Variants in GATA6 observed in about 807,000 individuals in gnomAD.
GATA6 encodes the protein transcription factor GATA-6.
A neutral mutation model predicts 48.1 loss-of-function variants in GATA6; 11 were observed. The observed-to-expected ratio is 0.23, with a 90% confidence interval of 0.14 to 0.38. GATA6 has a LOEUF of 0.38. GATA6 is among the 10% of genes least tolerant of loss of function. The probability of loss-of-function intolerance (pLI) is 1.00; values close to 1 mark genes in which losing one functional copy is unlikely to be tolerated. For missense variants in GATA6, 795 were observed against 850.3 expected, an observed-to-expected ratio of 0.93 and a Z score of 0.81; for synonymous variants, 419 against 396.1, an observed-to-expected ratio of 1.06 and a Z score of -0.69.
chr18:22,177,269 C>T, intron 3 of GATA6, 148 bp downstream of exon 3: 1 of 686,956 alleles, frequency 1.5e-6, no homozygotes. Flanking sequence ...GGGGACCCAG[C>T]GGTACCATCC....
chr18:22,183,942 A>G (rs2033229787), intron 6 of GATA6, among the ~76,000 whole-genome samples: 1 of 152,200 alleles, frequency 6.6e-6, no homozygotes, highest in Admixed American at 6.5e-5. Context: ...TTAAATGCCT[A>G]TTTACTTAGT....
In GATA6 at chr18:22,170,936, G is replaced by A. The variant is rs568136255; in HGVS notation, c.-37-172G>A. 152 of 605,400 alleles carry A rather than the reference G, an allele frequency of 2.5e-4. No individual in the cohort carries two copies. The African/African-American group carries it at 2.6e-3, about 10-fold the overall frequency. 37.5% of individuals were successfully genotyped at this position (605,400 alleles called of 1,614,324 possible). A position where few individuals can be genotyped will look rare whatever the true frequency, so the allele number is the denominator to read the frequency against. On this transcript the variant is annotated intron_variant, in intron 1 of 6. Transcript: ENST00000269216. The surrounding 1 kb of genome is among the most constrained non-coding windows in gnomAD (Gnocchi z 6.7). ...GCAGGCTCCCTTCCCCTCCCTTATT[G>A]ATCTCCACGCCCGGGGCAGAAATAG...
chr18:22,182,920 G>A lies in GATA6; in HGVS notation c.1517-20G>A, dbSNP rs1305562880. 5 of 1,607,414 alleles carry A rather than the reference G, an allele frequency of 3.1e-6. No individual in the cohort carries two copies. The South Asian group carries it at 4.4e-5, about 14-fold the overall frequency. ...AGTAGAGCATATGTATATTTATAAGGTTTATTTTGACTGTTGCAGGTAATA... is the reference window on the plus strand; with the variant it reads ...AGTAGAGCATATGTATATTTATAAGATTTATTTTGACTGTTGCAGGTAATA... On this transcript the variant is annotated intron_variant, in intron 5 of 6. Coordinates refer to ENST00000269216, the MANE Select transcript of GATA6 (RefSeq NM_005257.6).
chr18:22,190,652 A>T (rs1271756080), intron 6 of GATA6, among the ~76,000 whole-genome samples: 1 of 152,018 alleles, frequency 6.6e-6, no homozygotes, highest in Non-Finnish European at 1.5e-5. Flanking sequence ...ATCCGGAGTG[A>T]CTCCTTAAGG....
At position 22,171,482 on chromosome 18, in the gene GATA6, T is replaced by C; in HGVS notation, c.338T>C (p.Leu113Pro). Reference protein sequence around the residue: ...GGNLSSWEDLLLFTDLDQAAT... With the variant: ...GGNLSSWEDLPLFTDLDQAAT... ...AACCTGTCGAGCTGGGAGGACTTGCTGCTGTTCACTGACCTCGACCAAGCC... is the reference window on the plus strand; with the variant it reads ...AACCTGTCGAGCTGGGAGGACTTGCCGCTGTTCACTGACCTCGACCAAGCC... Residue 113 changes from leucine to proline, a missense_variant, in exon 2 of 7, where the codon CTG becomes CCG. Physicochemically the swap from Leu to Pro is moderately conservative, Grantham distance 98. Coordinates refer to ENST00000269216, the MANE Select transcript of GATA6 (RefSeq NM_005257.6). The surrounding 1 kb of genome is among the most constrained non-coding windows in gnomAD (Gnocchi z 7.1). The C allele has an allele frequency of 6.2e-7, 1 of 1,601,364 alleles. No homozygotes were observed. The highest frequency in any genetic ancestry group is 8.5e-7 in the Non-Finnish European group (1 of 1,179,538).
At chr18:22,174,959 T>C (rs2033102469) in intron 2 of GATA6, among the ~76,000 whole-genome samples, 1 of 152,040 alleles carries the variant, frequency 6.6e-6, no homozygotes, top group Admixed American at 6.6e-5. Context: ...CCTGCAGAAC[T>C]GTGAGTCCCT....
At position 22,170,251 on chromosome 18, in the gene GATA6, G is replaced by A. The variant is rs1469172584; in HGVS notation, c.-38+569G>A. ...GCTCCACCCCGCTACGTCCGATTCC[G>A]GAACGGTCCGGCGTTTCTGCTGCTG... On this transcript the variant is annotated intron_variant, in intron 1 of 6. Transcript: ENST00000269216. The surrounding 1 kb of genome is among the most constrained non-coding windows in gnomAD (Gnocchi z 6.7). Among the ~76,000 whole-genome samples the A allele has an allele frequency of 1.3e-5, 2 of 152,180 alleles. No homozygotes were observed. The highest frequency in any genetic ancestry group is 2.9e-5 in the Non-Finnish European group (2 of 68,024).
rs1313279921 is a variant in GATA6 at position 22,172,098 on chromosome 18, G to A, written c.954G>A (p.Pro318=). 24 of 1,472,422 alleles carry A rather than the reference G, an allele frequency of 1.6e-5. No individual in the cohort carries two copies. Among genetic ancestry groups the A allele is most frequent in the Non-Finnish European group, 2.1e-5 (24 of 1,117,316 alleles). 91.2% of individuals were successfully genotyped at this position (1,472,422 alleles called of 1,614,324 possible). A position where few individuals can be genotyped will look rare whatever the true frequency, so the allele number is the denominator to read the frequency against. The change falls in exon 2 of 7, where the codon CCG becomes CCA. Residue 318 remains proline (P), a synonymous_variant. Transcript: ENST00000269216. The surrounding 1 kb of genome is among the most constrained non-coding windows in gnomAD (Gnocchi z 5.2). ...ACAGCTCGCTGTCGGCCGCGCGGCC[G>A]CTGAACGGGACGTACCACCACCACC... The part of the protein sequence containing the change: ...PQYSSLSAAR[P]LNGTYHHHHH...
At chr18:22,191,375 C>T (rs563028094) in intron 6 of GATA6, among the ~76,000 whole-genome samples, 9 of 140,758 alleles carry the variant, frequency 6.4e-5, no homozygotes, top group Admixed American at 1.4e-4. Flanking sequence ...GCCCCCCCAA[C>T]GCCTCTATAA....
At chr18:22,192,715 A>AT (rs2143326466) in intron 6 of GATA6, among the ~76,000 whole-genome samples, 1 of 152,340 alleles carries the variant, frequency 6.6e-6, no homozygotes, top group South Asian at 2.1e-4. Flanking sequence ...TAATTTGAAG[A>AT]TTAGAATAGT....
intron 2 of GATA6, 153 bp from the exon 3 acceptor site, chr18:22,176,802 C>G (rs1598735957): frequency 4.6e-6 from 4 of 865,104 alleles, no homozygotes; most frequent in Non-Finnish European, 6.8e-6. Flanking sequence ...TAACCCTGCT[C>G]CTGGCTTTGC....
chr18:22,197,906 G>C (rs1009536013), intron 6 of GATA6, among the ~76,000 whole-genome samples: 2 of 151,974 alleles, frequency 1.3e-5, no homozygotes, highest in African/African-American at 4.8e-5. Flanking sequence ...CCACTCATTT[G>C]TTGTTCATGA....
chr18:22,199,900 CAAAAAAAAAAAA>C (rs35638046), intron 6 of GATA6, among the ~76,000 whole-genome samples: 1 of 68,350 alleles, frequency 1.5e-5, no homozygotes, highest in Non-Finnish European at 3.0e-5. Context: ...GACTCTGTTT[CAAAAAAAAAAAA>C]AAAAAAAAAA....
chr18:22,176,642 GT>G, intron 2 of GATA6: 1 of 318,194 alleles, frequency 3.1e-6, no homozygotes, highest in Non-Finnish European at 5.9e-6. Context: ...GAGAGTAGGG[GT>G]CAGGGGACTC....
chr18:22,174,153 G>A (rs1307801752), intron 2 of GATA6, among the ~76,000 whole-genome samples: 1 of 152,232 alleles, frequency 6.6e-6, no homozygotes, highest in Non-Finnish European at 1.5e-5. Flanking sequence ...ATGGTTGGGT[G>A]TGAAGCTTAT....
At chr18:22,182,733 A>G in intron 4 of GATA6, 24 bp from the exon 5 acceptor site, 2 of 1,515,674 alleles carry the variant, frequency 1.3e-6, no homozygotes, top group East Asian at 2.3e-5. Flanking sequence ...TATTAAATTT[A>G]TGGCCTATGT....
At position 22,172,081 on chromosome 18, in the gene GATA6, C is replaced by T; in HGVS notation, c.937C>T (p.Leu313=). The T allele has an allele frequency of 6.8e-7, 1 of 1,461,676 alleles. No individual in the cohort carries two copies. The highest frequency in any genetic ancestry group is 9.0e-7 in the Non-Finnish European group (1 of 1,111,908). The allele number at this position is 1,461,676 out of a possible 1,614,324, so 90.5% of individuals were successfully genotyped here. The change falls in exon 2 of 7, where the codon CTG becomes TTG. Residue 313 remains leucine (L), a synonymous_variant. Transcript: ENST00000269216. The surrounding 1 kb of genome is among the most constrained non-coding windows in gnomAD (Gnocchi z 5.2). ...MGGREPQYSS[L]SAARPLNGTY... ...CGGCCGCGAGCCCCAGTACAGCTCG[C>T]TGTCGGCCGCGCGGCCGCTGAACGG...
chr18:22,191,883 T>A (rs1276611007), intron 6 of GATA6, among the ~76,000 whole-genome samples: 1 of 152,232 alleles, frequency 6.6e-6, no homozygotes, highest in East Asian at 1.9e-4. Flanking sequence ...AGTAAACGGT[T>A]CCAAGTCAAC....
chr18:22,181,730 C>T (rs1598737591), intron 4 of GATA6, 152 bp downstream of exon 4: 1 of 784,834 alleles, frequency 1.3e-6, no homozygotes, highest in Non-Finnish European at 2.1e-6. Flanking sequence ...ATTCAGTGTA[C>T]ATACTGAATA....
Sources: gnomAD v4.1 joint callset for allele counts (sites outside exome capture counted in the v4.1 genomes callset) on GRCh38, gnomAD v4.1.1 for gene constraint, Gnocchi (gnomAD v3.1) non-coding constraint, MANE v1.5 for transcripts, NCBI Gene and HGNC (gene_info 2026-07-23, HGNC 2026-07-21) for gene names.